The following VPS13C variants were observed in gnomAD, a reference collection of about 807,000 sequenced individuals.
VPS13C encodes vacuolar protein sorting 13 homolog C, also known as intermembrane lipid transfer protein VPS13C.
In VPS13C, 358 loss-of-function variants were observed where a neutral mutation model predicts 456.8. The observed-to-expected ratio is 0.78, with a 90% CI of 0.72 to 0.86. The LOEUF is 0.86. Among genes scored for constraint, VPS13C ranks in the 40% least tolerant of loss-of-function variants. The pLI is 0.00. For synonymous variants in VPS13C, 1,578 were observed against 1,486.7 expected, an observed-to-expected ratio of 1.06 and a Z score of -1.41; for missense variants, 4,818 against 4,385.4, an observed-to-expected ratio of 1.10 and a Z score of -2.79.
In VPS13C at chr15:61,941,913, G is replaced by C. The variant is rs1419501449; in HGVS notation, c.5303C>G (p.Pro1768Arg). ...INLKAPVIII[P>R]QSSVSPNAVI... Reference sequence around the variant, plus strand: ...AGCATTAGGTGATACTGAAGACTGAGGAATAATAATAACTGGTGCTTTCAA... The same window carrying C: ...AGCATTAGGTGATACTGAAGACTGACGAATAATAATAACTGGTGCTTTCAA... Residue 1768 changes from proline to arginine, a missense_variant, in exon 46 of 85, where the codon CCT (proline) becomes CGT (arginine). By Grantham distance (103) the Pro-to-Arg change is moderately radical. Around this residue, in one of 3 missense-constraint regions of VPS13C, gnomAD observed 4,552 missense variants for 4,130.6 expected, o/e 1.10. Transcript: ENST00000644861. The C allele has an allele frequency of 6.2e-7, 1 of 1,614,002 alleles. No homozygotes were observed. The highest frequency in any genetic ancestry group is 8.5e-7 in the Non-Finnish European group (1 of 1,179,926).
At chr15:61,916,661 T>G (rs772116012) in intron 60 of VPS13C, among the ~76,000 whole-genome samples, 1 of 152,176 alleles carries the variant, frequency 6.6e-6, no homozygotes, top group Non-Finnish European at 1.5e-5. Flanking sequence ...TAAAAAAACA[T>G]GTAGGTTCCA....
intron 16 of VPS13C, among the ~76,000 whole-genome samples, chr15:61,992,799 T>A (rs1278731687): frequency 1.3e-5 from 2 of 152,020 alleles, no homozygotes; most frequent in East Asian, 3.9e-4. Flanking sequence ...TGAGAAAAAA[T>A]GCCAAAGCCA....
At chr15:61,909,843 T>G (rs918068735) in intron 64 of VPS13C, among the ~76,000 whole-genome samples, 8 of 151,988 alleles carry the variant, frequency 5.3e-5, no homozygotes, top group African/African-American at 1.7e-4. Flanking sequence ...ATAGCGCCGC[T>G]GGAAACCATC....
At position 61,983,845 on chromosome 15, in the gene VPS13C, T is replaced by A; in HGVS notation, c.1889A>T (p.Gln630Leu). 6.2e-7 allele frequency: 1 copy of A among 1,614,126 alleles called. No homozygotes were observed. The highest frequency in any genetic ancestry group is 8.5e-7 in the Non-Finnish European group (1 of 1,179,994). ...PADQTLIVQS[Q>L]PVEVIYDAKT... Reference sequence around the variant, plus strand: ...AGCATCATAGATGACCTCCACAGGCTGGGACTGAACAATCAGAGTCTGGTC... The same window carrying A: ...AGCATCATAGATGACCTCCACAGGCAGGGACTGAACAATCAGAGTCTGGTC... Residue 630 changes from glutamine to leucine, a missense_variant, in exon 20 of 85, where the codon CAG becomes CTG. By Grantham distance (113) the Gln-to-Leu change is moderately radical. Transcript: ENST00000644861.
In VPS13C at chr15:62,000,584, T is replaced by G; in HGVS notation, c.1333A>C (p.Arg445=). 6.2e-7 allele frequency: 1 copy of G among 1,608,596 alleles called. No individual in the cohort carries two copies. Among genetic ancestry groups the G allele is most frequent in the South Asian group, 1.1e-5 (1 of 89,082 alleles). Residue 445 remains arginine (R), a synonymous_variant, in exon 16 of 85, where the codon AGG becomes CGG. Coordinates refer to ENST00000644861, the MANE Select transcript of VPS13C (RefSeq NM_020821.3). ...TLDVFNIILA[R]QQAQVEVIRS... is the part of the protein sequence containing the mutation. The stretch of plus-strand genomic sequence containing the variant: ...ATTACCTCAACTTGTGCTTGTTGCC[T>G]TGCTAAAATTATGTTAAAAACATCT...
At chr15:61,879,794 C>T (rs1396320443) in intron 73 of VPS13C, among the ~76,000 whole-genome samples, 1 of 152,064 alleles carries the variant, frequency 6.6e-6, no homozygotes, top group African/African-American at 2.4e-5. Flanking sequence ...TTACCTATCA[C>T]ATAAAACAAT....
chr15:61,908,929 GTGTT>G, intron 65 of VPS13C, 59 bp downstream of exon 65: 1 of 1,557,424 alleles, frequency 6.4e-7, no homozygotes, highest in Non-Finnish European at 8.7e-7. Context: ...TGAAACCAAA[GTGTT>G]TCCCATTAGT....
intron 68 of VPS13C, among the ~76,000 whole-genome samples, chr15:61,883,300 G>T (rs1402022527): frequency 6.6e-6 from 1 of 151,230 alleles, no homozygotes; most frequent in East Asian, 1.9e-4. Context: ...GCCTCCTAAA[G>T]TACTGGGATT....
intron 1 of VPS13C, among the ~76,000 whole-genome samples, chr15:62,056,241 C>CAG (rs2048793028): frequency 6.6e-6 from 1 of 152,244 alleles, no homozygotes; most frequent in East Asian, 1.9e-4. Context: ...ATAGTTATAC[C>CAG]ATATAGATCT....
At chr15:62,023,337 T>A (rs1057102842) in intron 8 of VPS13C, 74 bp downstream of exon 8, 1 of 890,810 alleles carries the variant, frequency 1.1e-6, no homozygotes. Flanking sequence ...GCACAGATAA[T>A]CCACATATAG....
intron 5 of VPS13C, among the ~76,000 whole-genome samples, chr15:62,032,358 T>C (rs1459012681): frequency 1.3e-5 from 2 of 151,794 alleles, no homozygotes; most frequent in African/African-American, 2.4e-5. Flanking sequence ...GAAATACAGA[T>C]ACTTAAGCTT....
At chr15:61,919,194 AC>A (rs1355432112) in intron 58 of VPS13C, 94 bp downstream of exon 58, 1 of 1,215,440 alleles carries the variant, frequency 8.2e-7, no homozygotes, top group African/African-American at 1.6e-5. Context: ...ATCAGAATTG[AC>A]CTGATGAAGT....
chr15:61,970,571 G>A (rs28720854), intron 27 of VPS13C, among the ~76,000 whole-genome samples: 8 of 152,156 alleles, frequency 5.3e-5, no homozygotes, highest in African/African-American at 9.6e-5. Flanking sequence ...CAAGGCAGGC[G>A]GATCACTTGA....
intron 37 of VPS13C, 44 bp downstream of exon 37, chr15:61,958,563 TA>T: frequency 9.4e-7 from 1 of 1,062,620 alleles, no homozygotes; most frequent in Non-Finnish European, 1.4e-6. Flanking sequence ...AAACCATAAA[TA>T]AATAGACACA....
At chr15:61,861,044 C>G (rs916478353) in intron 82 of VPS13C, among the ~76,000 whole-genome samples, 1 of 147,878 alleles carries the variant, frequency 6.8e-6, no homozygotes, top group African/African-American at 2.5e-5. Context: ...TCACTGCAAC[C>G]TTCGCCTCCC....
chr15:61,894,151 C>CA (rs2042733502), intron 66 of VPS13C, among the ~76,000 whole-genome samples: 1 of 151,610 alleles, frequency 6.6e-6, no homozygotes, highest in African/African-American at 2.4e-5. Context: ...ACTAAAAATA[C>CA]AAAAAAATTA....
In VPS13C at chr15:61,971,604, G is replaced by C. The variant is rs540875798; in HGVS notation, c.2757+1021C>G. Among the ~76,000 whole-genome samples, 18 of 152,314 alleles carry C rather than the reference G, an allele frequency of 1.2e-4. No individual in the cohort carries two copies. In the South Asian group the frequency reaches 1.2e-3, roughly 11 times the overall value. On this transcript the variant is annotated intron_variant, in intron 27 of 84. Transcript: ENST00000644861. ...GATCAATCTGGCAAATGACAGAACA[G>C]AGTACCTGATGGAAGCAAAGACAGT...
rs537359716 is a variant in VPS13C, at chr15:61,969,412, G to A, written c.2798C>T (p.Thr933Ile). 2 of 1,573,412 alleles carry A rather than the reference G, an allele frequency of 1.3e-6. No individual in the cohort carries two copies. The highest frequency in any genetic ancestry group is 3.4e-4 in the Middle Eastern group (2 of 5,940). The change falls in exon 28 of 85, where the codon ACA becomes ATA. Residue 933 changes from threonine (T) to isoleucine (I), a missense_variant. Physicochemically the swap from Thr to Ile is moderately conservative, Grantham distance 89. Coordinates refer to ENST00000644861, the MANE Select transcript of VPS13C (RefSeq NM_020821.3). ...EFTKQQKEED[T>I]ILVFNVTQLG... ...CTGAGTAACATTAAATACTAGAATT[G>A]TATCTTCTTCTTTCTGCTGTTTAGT...
At position 62,028,808 on chromosome 15, in the gene VPS13C, G is replaced by A. The variant is rs146027144; in HGVS notation, c.386-388C>T. On this transcript the variant is annotated intron_variant, in intron 5 of 84. Coordinates refer to ENST00000644861, the MANE Select transcript of VPS13C (RefSeq NM_020821.3). Reference sequence around the variant, plus strand: ...ATATAATATTACTGTGATATTTGACGCTAATTTTAGAGTGGGCTGAAATGA... The same window carrying A: ...ATATAATATTACTGTGATATTTGACACTAATTTTAGAGTGGGCTGAAATGA... 9.7e-4 allele frequency among the ~76,000 whole-genome samples: 147 copies of A among 152,028 alleles called. 1 individual carries two copies. Among genetic ancestry groups the A allele is most frequent in the African/African-American group, 3.5e-3 (144 of 41,456 alleles).
Sources: allele counts gnomAD v4.1 joint callset (sites outside exome capture counted in the v4.1 genomes callset), GRCh38; gene constraint gnomAD v4.1.1; regional missense constraint gnomAD v4.1.1; transcripts MANE v1.5; gene names NCBI Gene and HGNC (gene_info 2026-07-23, HGNC 2026-07-21).